Variants in HTR7 observed in about 807,000 individuals in gnomAD.
HTR7 encodes the protein 5-hydroxytryptamine receptor 7.
A neutral mutation model predicts 34.0 loss-of-function variants in HTR7; 16 were observed. That is an observed-to-expected ratio of 0.47 (90% CI 0.32 to 0.71). The LOEUF (loss-of-function observed/expected upper bound fraction) is 0.71. Among genes scored for constraint, HTR7 ranks in the 30% least tolerant of loss-of-function variants. The pLI is 0.04. For missense variants in HTR7, 504 were observed against 625.5 expected, an observed-to-expected ratio of 0.81 and a Z score of 2.07; for synonymous variants, 265 against 260.2, an observed-to-expected ratio of 1.02 and a Z score of -0.18.
rs750468008 is a variant in HTR7 at position 90,743,553 on chromosome 10, A to C, written c.1393+40T>G. On this transcript the variant is annotated intron_variant, in intron 3 of 3. Coordinates refer to ENST00000336152, the MANE Select transcript of HTR7 (RefSeq NM_019859.4). ...TTCATGTTCTGAATTCCTCCAGACC[A>C]CAGCACTATCTCCAAAGTCTCCCTT... 10 of 1,475,126 alleles carry C rather than the reference A, an allele frequency of 6.8e-6. No individual in the cohort carries two copies. The Admixed American group carries it at 1.7e-4, about 25-fold the overall frequency. 91.4% of individuals were successfully genotyped at this position (1,475,126 alleles called of 1,614,324 possible). A position where few individuals can be genotyped will look rare whatever the true frequency, so the allele number is the denominator to read the frequency against.
intron 1 of HTR7, among the ~76,000 whole-genome samples, chr10:90,773,466 A>AATC (rs1458947490): frequency 1.3e-5 from 2 of 148,528 alleles, no homozygotes; most frequent in African/African-American, 5.0e-5. Flanking sequence ...TGTTACAAAC[A>AATC]ATCTACTGAT....
intron 1 of HTR7, among the ~76,000 whole-genome samples, chr10:90,752,200 A>C (rs1050293348): frequency 2.0e-5 from 3 of 152,226 alleles, no homozygotes; most frequent in Non-Finnish European, 4.4e-5. Flanking sequence ...TTACTAGAAA[A>C]AAAATGAGTG....
rs796111868 is a variant in HTR7, at chr10:90,857,997, C to G, written c.-326G>C. On this transcript the variant is annotated 5_prime_UTR_variant, in exon 1 of 4. Transcript: ENST00000336152. The surrounding 1 kb of genome is among the most constrained non-coding windows in gnomAD (Gnocchi z 6.5). ...ACAGTTCGCAGCAGCAGCTCGGCTG[C>G]GCCGAGAGCGCCCGGGCGGCAGCGG... is the stretch of plus-strand genomic sequence containing the variant. Among the ~76,000 whole-genome samples the G allele has an allele frequency of 1.3e-4, 19 of 150,374 alleles. No individual in the cohort carries two copies. Among genetic ancestry groups the G allele is most frequent in the Non-Finnish European group, 1.5e-5 (1 of 67,470 alleles).
intron 3 of HTR7, 135 bp from the exon 4 acceptor site, chr10:90,742,663 G>A (rs182952214): frequency 3.8e-5 from 22 of 584,452 alleles, no homozygotes; most frequent in African/African-American, 2.6e-4. Flanking sequence ...GGGATTATGA[G>A]TATCCTTCAA....
intron 1 of HTR7, among the ~76,000 whole-genome samples, chr10:90,778,820 T>G (rs1845263350): frequency 6.6e-6 from 1 of 152,252 alleles, no homozygotes; most frequent in Admixed American, 6.5e-5. Flanking sequence ...ATTTTCCATG[T>G]GATCTGCTTC....
chr10:90,744,045 T>A, intron 2 of HTR7: 2 of 410,194 alleles, frequency 4.9e-6, no homozygotes, highest in South Asian at 3.9e-5. Flanking sequence ...TGTAGGAGAA[T>A]ACGTAGAGCC....
At chr10:90,743,512 G>A (rs1844586476) in intron 3 of HTR7, 81 bp downstream of exon 3, 16 of 1,121,132 alleles carry the variant, frequency 1.4e-5, no homozygotes, top group Middle Eastern at 2.0e-4. Context: ...AGCTCAGCAC[G>A]GCTCTGCTCA....
chr10:90,750,185 T>A (rs992783458), intron 1 of HTR7, among the ~76,000 whole-genome samples: 5 of 152,192 alleles, frequency 3.3e-5, no homozygotes, highest in African/African-American at 1.2e-4. Flanking sequence ...TTATCATTAT[T>A]ATTGTTATTA....
intron 1 of HTR7, among the ~76,000 whole-genome samples, chr10:90,776,701 T>C (rs1371719802): frequency 6.6e-6 from 1 of 152,220 alleles, no homozygotes; most frequent in Non-Finnish European, 1.5e-5. Context: ...AGTAAGATCA[T>C]TTTCTTTTTT....
intron 1 of HTR7, among the ~76,000 whole-genome samples, chr10:90,780,962 G>A (rs908179469): frequency 3.3e-5 from 5 of 152,102 alleles, no homozygotes; most frequent in Non-Finnish European, 4.4e-5. Flanking sequence ...AGGAATAAAC[G>A]TTTACATCTA....
At chr10:90,827,718 C>T (rs1185934056) in intron 1 of HTR7, among the ~76,000 whole-genome samples, 3 of 152,044 alleles carry the variant, frequency 2.0e-5, no homozygotes, top group Non-Finnish European at 2.9e-5. Flanking sequence ...CACCGGAGTA[C>T]CCAGATATAT....
At chr10:90,776,304 C>T (rs950268662) in intron 1 of HTR7, among the ~76,000 whole-genome samples, 2 of 152,204 alleles carry the variant, frequency 1.3e-5, no homozygotes, top group South Asian at 4.1e-4. Flanking sequence ...CAATATCACT[C>T]AGGTCTGTTG....
intron 1 of HTR7, among the ~76,000 whole-genome samples, chr10:90,778,877 T>C (rs997128714): frequency 6.6e-6 from 1 of 152,216 alleles, no homozygotes; most frequent in Non-Finnish European, 1.5e-5. Context: ...TTTTTTAGCT[T>C]TGATCCCAAC....
At chr10:90,806,156 T>C (rs754144521) in intron 1 of HTR7, among the ~76,000 whole-genome samples, 15 of 152,126 alleles carry the variant, frequency 9.9e-5, no homozygotes, top group Non-Finnish European at 1.8e-4. Context: ...TTGTCTAGTT[T>C]GGAGGCTACA....
intron 1 of HTR7, among the ~76,000 whole-genome samples, chr10:90,770,682 T>C (rs1032971954): frequency 1.3e-5 from 2 of 152,174 alleles, no homozygotes; most frequent in Admixed American, 6.5e-5. Context: ...TCTCTAGACA[T>C]TGGGCACCAA....
chr10:90,846,859 G>A (rs975118032), intron 1 of HTR7, among the ~76,000 whole-genome samples: 4 of 152,124 alleles, frequency 2.6e-5, no homozygotes, highest in Admixed American at 2.0e-4. Flanking sequence ...CGGAGATTGG[G>A]GTAGGCAACC....
intron 1 of HTR7, among the ~76,000 whole-genome samples, chr10:90,852,610 G>A (rs934558856): frequency 3.9e-5 from 6 of 152,214 alleles, no homozygotes; most frequent in South Asian, 4.2e-4. Context: ...GTCCATCTAC[G>A]GTGAATGGAT....
At chr10:90,757,254 A>C (rs1225842515) in intron 1 of HTR7, among the ~76,000 whole-genome samples, 2 of 152,210 alleles carry the variant, frequency 1.3e-5, no homozygotes, top group African/African-American at 2.4e-5. Context: ...AATTCCAAAT[A>C]ACACCTTCAT....
At chr10:90,743,771 T>G in intron 2 of HTR7, 81 bp from the exon 3 acceptor site, 1 of 1,098,274 alleles carries the variant, frequency 9.1e-7, no homozygotes. Context: ...TTATATTTCA[T>G]TATCATATTT....
Sources: allele counts gnomAD v4.1 joint callset (sites outside exome capture counted in the v4.1 genomes callset), GRCh38; gene constraint gnomAD v4.1.1; non-coding constraint Gnocchi (gnomAD v3.1); transcripts MANE v1.5; gene names NCBI Gene and HGNC (gene_info 2026-07-23, HGNC 2026-07-21).